The following ACTA2 variants were observed in gnomAD, a reference collection of about 807,000 sequenced individuals.
The protein encoded by ACTA2 is actin alpha 2, smooth muscle.
Under a neutral mutation model 39.5 loss-of-function variants are expected in ACTA2, and 12 were observed. That is an observed-to-expected ratio of 0.30 (90% confidence interval 0.19 to 0.49). ACTA2 has a LOEUF of 0.49. Ranked by LOEUF, ACTA2 falls within the 20% of genes least tolerant of loss-of-function variation. ACTA2 has a pLI of 0.99. For missense variants in ACTA2, 236 were observed against 498.8 expected (o/e 0.47, Z 5.02); for synonymous variants, 158 against 180.6 (o/e 0.88, Z 1.00).
chr10:88,984,708 G>A (rs577554012), intron 1 of ACTA2, among the ~76,000 whole-genome samples: 2 of 151,776 alleles, frequency 1.3e-5, no homozygotes, highest in South Asian at 2.1e-4. Context: ...CACTGGGCCT[G>A]TCTAAATGGC....
At chr10:88,957,068 C>T (rs909824932), upstream of ACTA2, among the ~76,000 whole-genome samples, 2 of 152,140 alleles carry the variant, frequency 1.3e-5, no homozygotes, top group African/African-American at 4.8e-5. Flanking sequence ...TTTTGGGAGA[C>T]ATATTAAGAT....
chr10:88,946,970 CTA>C (rs1845961535), intron 3 of ACTA2: 1 of 261,462 alleles, frequency 3.8e-6, no homozygotes, highest in Admixed American at 5.1e-5. Context: ...CAATTCCCAC[CTA>C]TGAGTGAGAA....
At chr10:88,943,148 G>A (rs577071794) in intron 4 of ACTA2, among the ~76,000 whole-genome samples, 30 of 152,308 alleles carry the variant, frequency 2.0e-4, no homozygotes, top group East Asian at 1.3e-3. Flanking sequence ...GACACTAGAC[G>A]TTGTTATTTA....
upstream of ACTA2, among the ~76,000 whole-genome samples, chr10:88,954,280 T>A (rs1007046109): frequency 2.0e-5 from 3 of 152,200 alleles, 1 homozygote; most frequent in Admixed American, 2.0e-4. Flanking sequence ...GCACTATTGA[T>A]TAGAAAATTT....
At chr10:88,989,498 C>A (rs754023764) in intron 1 of ACTA2, 14 of 544,174 alleles carry the variant, frequency 2.6e-5, no homozygotes, top group Admixed American at 2.5e-4. Context: ...AAGGCTGGCA[C>A]GCCCAGGGTC....
intron 6 of ACTA2, chr10:88,939,909 A>G: frequency 3.3e-6 from 2 of 598,408 alleles, no homozygotes; most frequent in Admixed American, 2.6e-5. Flanking sequence ...CATGCATAGT[A>G]GGCCCTCAGC....
At chr10:88,939,719 T>C (rs1564643665) in intron 6 of ACTA2, 21 bp from the exon 7 acceptor site, 2 of 1,613,690 alleles carry the variant, frequency 1.2e-6, no homozygotes, top group Non-Finnish European at 1.7e-6. Context: ...GATACAAACA[T>C]TGTGGCAAAC....
At chr10:88,938,386 G>A (rs1467585750) in intron 7 of ACTA2, 144 bp from the exon 8 acceptor site, 1 of 899,884 alleles carries the variant, frequency 1.1e-6, no homozygotes, top group East Asian at 2.5e-5. Flanking sequence ...CTGTCTGAGA[G>A]ACAAAAGGGT....
At chr10:88,984,244 A>T (rs546136370) in intron 1 of ACTA2, among the ~76,000 whole-genome samples, 2 of 152,348 alleles carry the variant, frequency 1.3e-5, no homozygotes, top group South Asian at 2.1e-4. Flanking sequence ...AAATAGTAGG[A>T]GCCAGTGCTG....
At chr10:88,951,000 A>T (rs1343164481) in intron 1 of ACTA2, among the ~76,000 whole-genome samples, 1 of 152,198 alleles carries the variant, frequency 6.6e-6, no homozygotes, top group African/African-American at 2.4e-5. Context: ...CTCCAGGCTT[A>T]GAATAAAAAT....
chr10:88,960,160 C>A (rs760981064), intron 1 of ACTA2, among the ~76,000 whole-genome samples: 1 of 152,162 alleles, frequency 6.6e-6, no homozygotes, highest in Non-Finnish European at 1.5e-5. Context: ...GGGAGTTACA[C>A]TTCACCCCCT....
rs534964409 is a variant in ACTA2, at chr10:88,943,738, C to T, written c.369+59G>A. The T allele has an allele frequency of 5.0e-5, 71 of 1,423,172 alleles. No homozygotes were observed. In the African/African-American group the frequency reaches 9.0e-4, roughly 18 times the overall value. 88.2% of individuals were successfully genotyped at this position (1,423,172 alleles called of 1,614,324 possible). On this transcript the variant is annotated intron_variant, in intron 4 of 8. Transcript: ENST00000224784. ...TTCTCTCTGCTGTGCTGCATAGCCT[C>T]CTTCTAACAGAAGTTTCCCCAGACC...
At chr10:88,973,409 C>CT in intron 1 of ACTA2, 1 of 1,307,146 alleles carries the variant, frequency 7.7e-7, no homozygotes, top group Non-Finnish European at 1.0e-6. Context: ...CCGATGAAAA[C>CT]AACTCTTTCT....
In ACTA2 at chr10:88,947,538, C is replaced by G. The variant is rs1292078620; in HGVS notation, c.130-152G>C. 5.8e-6 allele frequency: 7 copies of G among 1,200,722 alleles called. No homozygotes were observed. The Middle Eastern group carries it at 5.7e-4, about 98-fold the overall frequency. The allele number at this position is 1,200,722 out of a possible 1,614,324, so 74.4% of individuals were successfully genotyped here. Reference sequence around the variant, plus strand: ...TATTGAGTCTCATTGCCACTATGCTCTTAAGCAAAATTCTGCAGTTGATTG... The same window carrying G: ...TATTGAGTCTCATTGCCACTATGCTGTTAAGCAAAATTCTGCAGTTGATTG... On this transcript the variant is annotated intron_variant, in intron 2 of 8. Coordinates refer to ENST00000224784, the MANE Select transcript of ACTA2 (RefSeq NM_001613.4).
intron 1 of ACTA2, chr10:88,973,833 A>G (rs12146231): frequency 0.47 from 71,296 of 152,092 alleles, 17,717 homozygotes; most frequent in Non-Finnish European, 0.55. Context: ...ACAGAGTCTC[A>G]CTCTGTCGCC....
chr10:88,939,285 TGG>T, intron 7 of ACTA2: 1 of 598,512 alleles, frequency 1.7e-6, no homozygotes, highest in Non-Finnish European at 3.0e-6. Flanking sequence ...ATGAATGCTT[TGG>T]GCTTAACTGC....
intron 1 of ACTA2, chr10:88,989,335 T>G: frequency 6.1e-6 from 2 of 326,550 alleles, no homozygotes; most frequent in South Asian, 4.8e-5. Context: ...TTTTCCTTCC[T>G]TCTTTTTACA....
At chr10:88,959,540 A>G (rs535368178) in intron 1 of ACTA2, among the ~76,000 whole-genome samples, 1 of 152,350 alleles carries the variant, frequency 6.6e-6, no homozygotes, top group African/African-American at 2.4e-5. Flanking sequence ...ATTTTCCAAA[A>G]TAAACTTTTC....
At chr10:88,947,144 G>T in intron 3 of ACTA2, 114 bp downstream of exon 3, 1 of 1,432,734 alleles carries the variant, frequency 7.0e-7, no homozygotes, top group Non-Finnish European at 9.6e-7. Flanking sequence ...ACAAGTAAAA[G>T]TACAGTTGAG....
Sources: gnomAD v4.1 joint callset for allele counts (sites outside exome capture counted in the v4.1 genomes callset) on GRCh38, gnomAD v4.1.1 for gene constraint, MANE v1.5 for transcripts, NCBI Gene and HGNC (gene_info 2026-07-23, HGNC 2026-07-21) for gene names.